Variants in GTF3C5 observed in about 807,000 individuals in gnomAD.
GTF3C5 encodes general transcription factor IIIC subunit 5, also known as general transcription factor 3C polypeptide 5.
A neutral mutation model predicts 61.0 loss-of-function variants in GTF3C5; 47 were observed. That is an observed-to-expected ratio of 0.77 (90% CI 0.61 to 0.98). GTF3C5 has a LOEUF of 0.98. GTF3C5 is among the 50% of genes least tolerant of loss of function. The probability of loss-of-function intolerance (pLI) is 0.00; values close to 1 mark genes in which losing one functional copy is unlikely to be tolerated. For missense variants in GTF3C5, 659 were observed against 703.3 expected (o/e 0.94, Z 0.71); for synonymous variants, 295 against 275.4 (o/e 1.07, Z -0.71).
At chr9:133,032,913 A>G (rs55893286) in intron 1 of GTF3C5, among the ~76,000 whole-genome samples, 4,915 of 152,288 alleles carry the variant, frequency 0.032, 93 homozygotes, top group East Asian at 0.067. Context: ...CGTCAGGAAC[A>G]GTATTATTTG....
chr9:133,053,859 G>A lies in GTF3C5; in HGVS notation c.905G>A (p.Arg302Gln), dbSNP rs201605177. Residue 302 changes from arginine (R) to glutamine (Q), a missense_variant, in exon 6 of 11, where the codon CGA becomes CAA. Physicochemically the swap from Arg to Gln is conservative, Grantham distance 43. Transcript: ENST00000372097. Reference protein sequence around the residue: ...ITGPWRSLWIRFGYDPRKNPD... With the variant: ...ITGPWRSLWIQFGYDPRKNPD... ...GGCCCCTGGCGCAGCCTATGGATTCGATTTGGGTATGACCCCCGAAAAAAC... is the reference window on the plus strand; with the variant it reads ...GGCCCCTGGCGCAGCCTATGGATTCAATTTGGGTATGACCCCCGAAAAAAC... 1.7e-5 allele frequency: 27 copies of A among 1,611,934 alleles called. No homozygotes were observed. Among genetic ancestry groups the A allele is most frequent in the Non-Finnish European group, 2.3e-5 (27 of 1,178,662 alleles).
chr9:133,054,723 G>C lies in GTF3C5; in HGVS notation c.1081G>C (p.Val361Leu), dbSNP rs1308349333. 1 of 1,572,544 alleles carries C rather than the reference G, an allele frequency of 6.4e-7. No homozygotes were observed. Among genetic ancestry groups the C allele is most frequent in the Non-Finnish European group, 8.6e-7 (1 of 1,158,846 alleles). ...TTGTCCCCACGCAGCCAGCCAGCTT[G>C]TCACCATGCATGACCTGAAGCAGGG... is the stretch of plus-strand genomic sequence containing the variant. ...ITVKKTSSQL[V>L]TMHDLKQGLG... Residue 361 changes from valine (V) to leucine (L), a missense_variant, in exon 8 of 11, where the codon GTC (valine) becomes CTC (leucine). Transcript: ENST00000372097.
rs753242346 is a variant in GTF3C5, at chr9:133,057,936, G to A, written c.1516G>A (p.Gly506Ser). Reference protein sequence around the residue: ...EEEEDFKPSDGSENEMETEIL... With the variant: ...EEEEDFKPSDSSENEMETEIL... ...GGAGGAGGACTTCAAGCCATCCGACGGCAGTGAAAACGAAATGGAGACAGA... is the reference window on the plus strand; with the variant it reads ...GGAGGAGGACTTCAAGCCATCCGACAGCAGTGAAAACGAAATGGAGACAGA... The change falls in exon 11 of 11, where the codon GGC (glycine) becomes AGC (serine). Residue 506 changes from glycine (G) to serine (S), a missense_variant. Gly to Ser is a moderately conservative substitution (Grantham distance 56). Transcript: ENST00000372097. 3.7e-6 allele frequency: 6 copies of A among 1,613,876 alleles called. No homozygotes were observed. Among genetic ancestry groups the A allele is most frequent in the East Asian group, 4.5e-5 (2 of 44,878 alleles).
Position 133,055,597 on chromosome 9 carries a change from C to T in GTF3C5, c.1168-415C>T, listed in dbSNP as rs1259700233. ...GAGAGCAAACACTCACTAAGCCCTG[C>T]TTTTCCCAGAAAAGATGTCAGGGCA... On this transcript the variant is annotated intron_variant, in intron 8 of 10. Coordinates refer to ENST00000372097, the MANE Select transcript of GTF3C5 (RefSeq NM_012087.4). 10 of 985,332 alleles carry T rather than the reference C, an allele frequency of 1.0e-5. No homozygotes were observed. The African/African-American group carries it at 1.7e-4, about 17-fold the overall frequency. 61.0% of individuals were successfully genotyped at this position (985,332 alleles called of 1,614,324 possible). A position where few individuals can be genotyped will look rare whatever the true frequency, so the allele number is the denominator to read the frequency against.
Position 133,033,624 on chromosome 9 carries a change from G to A in GTF3C5, c.153+2460G>A, listed in dbSNP as rs188527536. Among the ~76,000 whole-genome samples the A allele has an allele frequency of 1.0e-3, 156 of 152,194 alleles. 1 individual carries two copies. In the East Asian group the frequency reaches 0.026, roughly 25 times the overall value. On this transcript the variant is annotated intron_variant, in intron 1 of 10. Transcript: ENST00000372097. ...TCAGGGAACAGCAGAGAGAGAGCTC[G>A]GCACGATTTATCACCCCAGGCTGTG...
At position 133,056,777 on chromosome 9, in the gene GTF3C5, T is replaced by C. The variant is rs768803465; in HGVS notation, c.1262T>C (p.Ile421Thr). ...CDLNVEELQKIIHRNDGAENS... is the reference protein window; with the variant it reads ...CDLNVEELQKTIHRNDGAENS... ...CTCCCCACCCCCAGGTTGCAGAAGA[T>C]CATTCACCGCAATGACGGGGCAGAG... is the stretch of plus-strand genomic sequence containing the variant. Residue 421 changes from isoleucine to threonine, a missense_variant, in exon 10 of 11, where the codon ATC (isoleucine) becomes ACC (threonine). By Grantham distance (89) the Ile-to-Thr change is moderately conservative. Coordinates refer to ENST00000372097, the MANE Select transcript of GTF3C5 (RefSeq NM_012087.4). 6.2e-7 allele frequency: 1 copy of C among 1,603,902 alleles called. No individual in the cohort carries two copies. The highest frequency in any genetic ancestry group is 1.7e-5 in the Admixed American group (1 of 58,696).
intron 8 of GTF3C5, 74 bp downstream of exon 8, chr9:133,054,883 T>C: frequency 6.5e-7 from 1 of 1,536,938 alleles, no homozygotes; most frequent in Non-Finnish European, 8.8e-7. Context: ...GGGTGACACC[T>C]GGGGGGCTGT....
rs1803108565 is a variant in GTF3C5, at chr9:133,031,118, T to C, written c.107T>C (p.Val36Ala). ...CVEYPGVVRD[V>A]AKMLPTLGGE... Reference sequence around the variant, plus strand: ...GAGTACCCGGGAGTGGTGCGTGATGTGGCTAAGATGCTGCCGACTCTGGGC... The same window carrying C: ...GAGTACCCGGGAGTGGTGCGTGATGCGGCTAAGATGCTGCCGACTCTGGGC... The change falls in exon 1 of 11, where the codon GTG becomes GCG. Residue 36 changes from valine (V) to alanine (A), a missense_variant. By Grantham distance (64) the Val-to-Ala change is moderately conservative (BLOSUM62 0). Coordinates refer to ENST00000372097, the MANE Select transcript of GTF3C5 (RefSeq NM_012087.4). The C allele has an allele frequency of 6.2e-7, 1 of 1,601,578 alleles. No individual in the cohort carries two copies.
chr9:133,050,442 C>T (rs1404679317), intron 3 of GTF3C5, among the ~76,000 whole-genome samples: 1 of 152,272 alleles, frequency 6.6e-6, no homozygotes, highest in African/African-American at 2.4e-5. Context: ...CTGGACAGTG[C>T]TGTGCCTGAC....
intron 7 of GTF3C5, 29 bp downstream of exon 7, chr9:133,054,517 C>G (rs774574383): frequency 6.2e-7 from 1 of 1,602,464 alleles, no homozygotes; most frequent in Non-Finnish European, 8.5e-7. Flanking sequence ...TTTTGTGGGT[C>G]ATGAGTGATT....
intron 3 of GTF3C5, chr9:133,044,342 G>A (rs946090353): frequency 6.5e-5 from 11 of 169,848 alleles, no homozygotes; most frequent in Admixed American, 1.8e-4. Flanking sequence ...GTGACTGTGG[G>A]ACATGTGGGT....
upstream of GTF3C5, chr9:133,030,839 C>A: frequency 1.3e-6 from 1 of 744,778 alleles, no homozygotes; most frequent in Non-Finnish European, 2.4e-6. Flanking sequence ...GACATGGGCC[C>A]TCCCATGGGC....
chr9:133,055,117 G>T (rs1302504351), intron 8 of GTF3C5: 2 of 1,549,474 alleles, frequency 1.3e-6, no homozygotes, highest in Non-Finnish European at 1.7e-6. Flanking sequence ...TGAGCCACGT[G>T]ACCACTCCGG....
Position 133,042,089 on chromosome 9 carries a change from C to A in GTF3C5, c.156C>A (p.Ile52=). ...TGTCTCCTTTGGCCTTGCCACAGATCTACGCAGACCCCACCAAGAGGCTGG... is the reference window on the plus strand; with the variant it reads ...TGTCTCCTTTGGCCTTGCCACAGATATACGCAGACCCCACCAAGAGGCTGG... ...TLGGEEGVSR[I]YADPTKRLEL... The change falls in exon 2 of 11, where the codon ATC becomes ATA. Residue 52 remains isoleucine, a splice_region_variant and synonymous_variant. Transcript: ENST00000372097. 6.2e-7 allele frequency: 1 copy of A among 1,612,392 alleles called. No homozygotes were observed. Among genetic ancestry groups the A allele is most frequent in the Non-Finnish European group, 8.5e-7 (1 of 1,179,088 alleles).
At chr9:133,034,805 G>C (rs757524901) in intron 1 of GTF3C5, among the ~76,000 whole-genome samples, 1 of 152,202 alleles carries the variant, frequency 6.6e-6, no homozygotes, top group Non-Finnish European at 1.5e-5. Context: ...GTGGAGGAGA[G>C]ACCAAGTTTA....
chr9:133,056,398 A>T (rs952584526), intron 9 of GTF3C5, among the ~76,000 whole-genome samples: 5 of 152,250 alleles, frequency 3.3e-5, no homozygotes, highest in African/African-American at 1.2e-4. Flanking sequence ...ATCAGATCCC[A>T]GAAACCTTTT....
In GTF3C5 at chr9:133,052,139, T is replaced by G; in HGVS notation, c.848T>G (p.Leu283Trp). 1.9e-6 allele frequency: 3 copies of G among 1,602,370 alleles called. No individual in the cohort carries two copies. The highest frequency in any genetic ancestry group is 2.6e-6 in the Non-Finnish European group (3 of 1,171,590). ...GTCCACCCAGACAAGCTCAAGGTCTTGCTTCCCTTCATAGCCTATTACATG... is the reference window on the plus strand; with the variant it reads ...GTCCACCCAGACAAGCTCAAGGTCTGGCTTCCCTTCATAGCCTATTACATG... ...ISVHPDKLKV[L>W]LPFIAYYMIT... Residue 283 changes from leucine to tryptophan, a missense_variant, in exon 5 of 11, where the codon TTG (leucine) becomes TGG (tryptophan). By Grantham distance (61) the Leu-to-Trp change is moderately conservative. Coordinates refer to ENST00000372097, the MANE Select transcript of GTF3C5 (RefSeq NM_012087.4).
rs190007730 is a variant in GTF3C5, at chr9:133,048,526, G to A, written c.573-2257G>A. The stretch of plus-strand genomic sequence containing the variant: ...AATAATAATATACAAAAAATTAGCC[G>A]GGCGTGGTGGCGCATGCTTGTAATC... On this transcript the variant is annotated intron_variant, in intron 3 of 10. Coordinates refer to ENST00000372097, the MANE Select transcript of GTF3C5 (RefSeq NM_012087.4). Among the ~76,000 whole-genome samples, 448 of 152,166 alleles carry A rather than the reference G, an allele frequency of 2.9e-3. 2 individuals are homozygous for A. Among genetic ancestry groups the A allele is most frequent in the African/African-American group, 0.01 (434 of 41,506 alleles).
At chr9:133,037,575 G>A (rs528345232) in intron 1 of GTF3C5, among the ~76,000 whole-genome samples, 60 of 152,208 alleles carry the variant, frequency 3.9e-4, no homozygotes, top group African/African-American at 1.4e-3. Context: ...ACCAGAGATC[G>A]GGATGAATGT....
Sources: allele counts gnomAD v4.1 joint callset (sites outside exome capture counted in the v4.1 genomes callset), GRCh38; gene constraint gnomAD v4.1.1; transcripts MANE v1.5; gene names NCBI Gene and HGNC (gene_info 2026-07-23, HGNC 2026-07-21).